Variants in MCUB observed in about 807,000 individuals in gnomAD.
MCUB encodes the protein mitochondrial calcium uniporter dominant negative subunit beta.
In MCUB, 46 loss-of-function variants were observed where a neutral mutation model predicts 41.4. The observed-to-expected ratio is 1.11, with a 90% confidence interval of 0.88 to 1.42. The LOEUF (loss-of-function observed/expected upper bound fraction) is 1.42, where lower values mean the gene tolerates loss of function less well. Among genes scored for constraint, MCUB ranks in the 40% most tolerant of loss-of-function variants. The pLI is 0.00. For synonymous variants in MCUB, 148 were observed against 148.2 expected (o/e 1.00, Z 0.01); for missense variants, 403 against 404.9 (o/e 1.00, Z 0.04).
At chr4:109,640,457 C>G (rs79061583) in intron 1 of MCUB, among the ~76,000 whole-genome samples, 2,041 of 152,300 alleles carry the variant, frequency 0.013, 57 homozygotes, top group African/African-American at 0.046. Context: ...ATCTGAAAAT[C>G]TGTTGTTTAG....
At chr4:109,660,511 A>C (rs1729206453) in intron 3 of MCUB, 146 bp downstream of exon 3, 1 of 501,932 alleles carries the variant, frequency 2.0e-6, no homozygotes, top group Non-Finnish European at 3.5e-6. Context: ...TTTATGCATC[A>C]ACACTATTTT....
chr4:109,615,126 T>C (rs980405733), intron 1 of MCUB, among the ~76,000 whole-genome samples: 1 of 152,146 alleles, frequency 6.6e-6, no homozygotes, highest in Non-Finnish European at 1.5e-5. Flanking sequence ...TGCCCTCTTT[T>C]CCCCCTGGAA....
At position 109,647,759 on chromosome 4, in the gene MCUB, A is replaced by G. The variant is rs138328821; in HGVS notation, c.100-11252A>G. Among the ~76,000 whole-genome samples the G allele has an allele frequency of 3.7e-3, 565 of 152,318 alleles. 7 individuals are homozygous for G. The highest frequency in any genetic ancestry group is 0.015 in the East Asian group (77 of 5,186). The stretch of plus-strand genomic sequence containing the variant: ...CCATAATAACCGACCACAGTCTAGT[A>G]TTAATAGTTAGGAGCCCCCACCCTT... On this transcript the variant is annotated intron_variant, in intron 1 of 7. Transcript: ENST00000394650.
chr4:109,563,440 T>C (rs1726689055), intron 1 of MCUB, among the ~76,000 whole-genome samples: 1 of 152,218 alleles, frequency 6.6e-6, no homozygotes, highest in Admixed American at 6.5e-5. Flanking sequence ...TTTGACATGT[T>C]CCTACTATTC....
chr4:109,682,633 T>G lies in MCUB; in HGVS notation c.503T>G (p.Val168Gly), dbSNP rs1410720115. The G allele has an allele frequency of 1.9e-6, 3 of 1,613,376 alleles. No homozygotes were observed. The Admixed American group carries it at 5.0e-5, about 27-fold the overall frequency. ...GAGATGGAACACATGAAATCTTTGGTTCACAGACTATTTACAATCTTGCAT... is the reference window on the plus strand; with the variant it reads ...GAGATGGAACACATGAAATCTTTGGGTCACAGACTATTTACAATCTTGCAT... ...TAEMEHMKSLVHRLFTILHLE... is the reference protein window; with the variant it reads ...TAEMEHMKSLGHRLFTILHLE... The change falls in exon 5 of 8, where the codon GTT becomes GGT. Residue 168 changes from valine to glycine, a missense_variant. Physicochemically the swap from Val to Gly is moderately radical, Grantham distance 109. Transcript: ENST00000394650.
At chr4:109,679,738 T>G (rs943623183) in intron 4 of MCUB, among the ~76,000 whole-genome samples, 4 of 152,218 alleles carry the variant, frequency 2.6e-5, no homozygotes, top group African/African-American at 9.6e-5. Context: ...AAGCAGTTAC[T>G]TTAGAAAGCT....
chr4:109,565,718 C>T (rs1014615697), intron 1 of MCUB, among the ~76,000 whole-genome samples: 4 of 151,770 alleles, frequency 2.6e-5, no homozygotes, highest in East Asian at 3.9e-4. Flanking sequence ...AGGGTTCTGA[C>T]GATAATCCTG....
At chr4:109,667,637 ATT>A (rs1729371857) in intron 4 of MCUB, among the ~76,000 whole-genome samples, 1 of 150,216 alleles carries the variant, frequency 6.7e-6, no homozygotes, top group African/African-American at 2.4e-5. Context: ...TGTAGAGTAT[ATT>A]ATATACTCTA....
intron 1 of MCUB, among the ~76,000 whole-genome samples, chr4:109,569,237 G>A (rs983017713): frequency 4.6e-5 from 7 of 151,530 alleles, no homozygotes; most frequent in Non-Finnish European, 7.4e-5. Context: ...TAGTAGAGAC[G>A]GGGTTTCACC....
intron 1 of MCUB, among the ~76,000 whole-genome samples, chr4:109,635,593 T>A (rs1331490760): frequency 6.6e-6 from 1 of 152,170 alleles, no homozygotes; most frequent in Non-Finnish European, 1.5e-5. Flanking sequence ...AGACACCGCC[T>A]CCTTCAGTCT....
At chr4:109,565,318 A>G (rs1726745432) in intron 1 of MCUB, among the ~76,000 whole-genome samples, 1 of 152,222 alleles carries the variant, frequency 6.6e-6, no homozygotes, top group Non-Finnish European at 1.5e-5. Flanking sequence ...TATACGCTTC[A>G]CTGTCTGTAT....
chr4:109,595,974 T>C, intron 1 of MCUB, among the ~76,000 whole-genome samples: 1 of 141,678 alleles, frequency 7.1e-6, no homozygotes, highest in Non-Finnish European at 1.5e-5. Flanking sequence ...CACCTAATCA[T>C]TAGCATGCCT....
At chr4:109,560,996 C>CG (rs1200997583) in intron 1 of MCUB, 1 of 152,128 alleles carries the variant, frequency 6.6e-6, no homozygotes, top group Non-Finnish European at 1.5e-5. Context: ...ACCCGAGAGA[C>CG]GGGTGAATCA....
intron 1 of MCUB, among the ~76,000 whole-genome samples, chr4:109,628,265 A>G (rs1728404612): frequency 6.6e-6 from 1 of 152,234 alleles, no homozygotes; most frequent in African/African-American, 2.4e-5. Context: ...TAAGGAATAC[A>G]TTAGAAGGCC....
rs1729167328 is a variant in MCUB, at chr4:109,659,043, A to G, written c.132A>G (p.Lys44=). The change falls in exon 2 of 8, where the codon AAA becomes AAG. Residue 44 remains lysine (K), a synonymous_variant. Transcript: ENST00000394650. ...GTGTGAAGCTGTGTGGAAATGTGAA[A>G]TACTACCAGTCACACCATTATAGTA... ...VLRVKLCGNV[K]YYQSHHYSTV... is the part of the protein sequence containing the mutation. The G allele has an allele frequency of 1.3e-6, 2 of 1,543,806 alleles. No homozygotes were observed. The highest frequency in any genetic ancestry group is 1.8e-6 in the Non-Finnish European group (2 of 1,139,748).
chr4:109,578,442 G>A (rs887032031), intron 1 of MCUB, among the ~76,000 whole-genome samples: 2 of 151,954 alleles, frequency 1.3e-5, no homozygotes, highest in Admixed American at 6.6e-5. Context: ...CACACAGTTA[G>A]TAGGTAGTCG....
chr4:109,648,619 GT>G, intron 1 of MCUB: 1 of 448,150 alleles, frequency 2.2e-6, no homozygotes, highest in Admixed American at 2.5e-5. Flanking sequence ...ACAAAATGCA[GT>G]TTTTGTTAGG....
intron 1 of MCUB, among the ~76,000 whole-genome samples, chr4:109,597,732 G>A (rs565622204): frequency 7.7e-5 from 11 of 143,252 alleles, no homozygotes; most frequent in Admixed American, 4.0e-4. Flanking sequence ...CGGGCGGGGG[G>A]CTGACCCCCC....
intron 2 of MCUB, 73 bp downstream of exon 2, chr4:109,659,159 G>T: frequency 1.1e-6 from 1 of 916,280 alleles, no homozygotes; most frequent in South Asian, 1.4e-5. Context: ...AGCTGCGAGA[G>T]TTTTGAGCAG....
Sources: allele counts gnomAD v4.1 joint callset (sites outside exome capture counted in the v4.1 genomes callset), GRCh38; gene constraint gnomAD v4.1.1; transcripts MANE v1.5; gene names NCBI Gene and HGNC (gene_info 2026-07-23, HGNC 2026-07-21).